The following DENND5A variants were observed in gnomAD, a reference collection of about 807,000 sequenced individuals.
DENND5A encodes DENN domain containing 5A.
In DENND5A, 64 loss-of-function variants were observed where a neutral mutation model predicts 140.3. The observed-to-expected ratio is 0.46, with a 90% CI of 0.37 to 0.56. DENND5A has a LOEUF of 0.56. Among genes scored for constraint, DENND5A ranks in the 20% least tolerant of loss-of-function variants. The pLI, the probability that DENND5A is intolerant of heterozygous loss-of-function variation, is 0.00. For synonymous variants in DENND5A, 605 were observed against 607.7 expected (o/e 1.00, Z 0.07); for missense variants, 1,292 against 1,593.8 (o/e 0.81, Z 3.22).
Position 9,264,974 on chromosome 11 carries a change from C to A in DENND5A, c.96G>T (p.Pro32=). The part of the protein sequence containing the change: ...CGLDTETGLE[P]DELSALCQYI... ...GCGCGCACTCACCCGACAGCTCGTC[C>A]GGCTCCAGCCCGGTCTCCGTGTCCA... The change falls in exon 1 of 23, where the codon CCG becomes CCT. Residue 32 remains proline (P), a synonymous_variant. Coordinates refer to ENST00000328194, the MANE Select transcript of DENND5A (RefSeq NM_015213.4). 2 of 1,583,878 alleles carry A rather than the reference C, an allele frequency of 1.3e-6. No homozygotes were observed. Among genetic ancestry groups the A allele is most frequent in the Non-Finnish European group, 1.7e-6 (2 of 1,167,040 alleles).
At chr11:9,245,269 G>A (rs1300091582) in intron 1 of DENND5A, 4 of 138,298 alleles carry the variant, frequency 2.9e-5, no homozygotes. Context: ...TGGCGACAGA[G>A]CAAGACTGTC....
At chr11:9,263,189 T>C (rs560887802) in intron 1 of DENND5A, among the ~76,000 whole-genome samples, 4 of 152,234 alleles carry the variant, frequency 2.6e-5, no homozygotes, top group African/African-American at 9.6e-5. Context: ...AGCATGAATT[T>C]ATCATGCTTT....
At chr11:9,246,044 AC>A (rs1290741632) in intron 1 of DENND5A, among the ~76,000 whole-genome samples, 1 of 152,146 alleles carries the variant, frequency 6.6e-6, no homozygotes, top group Non-Finnish European at 1.5e-5. Context: ...TGGAGCCGGG[AC>A]CCCTTTTTTA....
intron 1 of DENND5A, among the ~76,000 whole-genome samples, chr11:9,243,448 C>A (rs1001350069): frequency 6.6e-6 from 1 of 152,006 alleles, no homozygotes; most frequent in Admixed American, 6.6e-5. Context: ...TGTGTGGGTA[C>A]ACTTATACAT....
Position 9,180,866 on chromosome 11 carries a change from A to C in DENND5A, c.1356T>G (p.Ile452Met), listed in dbSNP as rs750201378. The change falls in exon 6 of 23, where the codon ATT becomes ATG. Residue 452 changes from isoleucine to methionine, a missense_variant. Around this residue, in one of 4 missense-constraint regions of DENND5A, gnomAD observed 566 missense variants for 650.4 expected, o/e 0.87. Coordinates refer to ENST00000328194, the MANE Select transcript of DENND5A (RefSeq NM_015213.4). ...CGTAGGAATGCAAAGGGGAGCCAGC[A>C]ATGTTCCCATTCCTCTTGTCCGAGA... ...ELVSDKRNGN[I>M]AGSPLHSYEL... The C allele has an allele frequency of 1.9e-6, 3 of 1,614,184 alleles. No individual in the cohort carries two copies. Among genetic ancestry groups the C allele is most frequent in the South Asian group, 2.2e-5 (2 of 91,080 alleles).
chr11:9,184,692 T>C (rs762883514), intron 5 of DENND5A, among the ~76,000 whole-genome samples: 1 of 152,216 alleles, frequency 6.6e-6, no homozygotes, highest in African/African-American at 2.4e-5. Flanking sequence ...ACTTCCCTGA[T>C]TAAGAAATTA....
Position 9,212,228 on chromosome 11 carries a change from A to G in DENND5A, c.110-4596T>C, listed in dbSNP as rs186593159. Among the ~76,000 whole-genome samples the G allele has an allele frequency of 2.0e-5, 3 of 152,250 alleles. No homozygotes were observed. In the East Asian group the frequency reaches 5.8e-4, roughly 29 times the overall value. The stretch of plus-strand genomic sequence containing the variant: ...CAGCAAGACCCCATCTCTACACAAT[A>G]AAATGTATAAATTAAAAAAGAAAAG... On this transcript the variant is annotated intron_variant, in intron 1 of 22. Coordinates refer to ENST00000328194, the MANE Select transcript of DENND5A (RefSeq NM_015213.4).
chr11:9,228,946 T>A (rs934692126), intron 1 of DENND5A, among the ~76,000 whole-genome samples: 3 of 152,198 alleles, frequency 2.0e-5, no homozygotes, highest in Non-Finnish European at 4.4e-5. Context: ...TGAGCCATTC[T>A]GGCAAATTAT....
At chr11:9,227,588 G>A (rs1850583504) in intron 1 of DENND5A, among the ~76,000 whole-genome samples, 1 of 152,082 alleles carries the variant, frequency 6.6e-6, no homozygotes, top group Non-Finnish European at 1.5e-5. Flanking sequence ...TTAAAGACAG[G>A]AAAATTTAGA....
At chr11:9,151,621 T>C (rs1457632058) in intron 13 of DENND5A, among the ~76,000 whole-genome samples, 1 of 152,082 alleles carries the variant, frequency 6.6e-6, no homozygotes, top group Non-Finnish European at 1.5e-5. Flanking sequence ...GGTAAACAAA[T>C]GTCTGGCAGA....
chr11:9,150,588 C>T (rs1193927383), intron 14 of DENND5A, 92 bp downstream of exon 14: 17 of 807,778 alleles, frequency 2.1e-5, no homozygotes, highest in Non-Finnish European at 2.9e-5. Context: ...GATGCTGTAG[C>T]AGCCACTGAG....
intron 15 of DENND5A, among the ~76,000 whole-genome samples, chr11:9,148,717 T>C (rs1464625440): frequency 1.3e-5 from 2 of 152,098 alleles, no homozygotes; most frequent in Non-Finnish European, 2.9e-5. Flanking sequence ...GAGAGTAAAG[T>C]AGTTATGGTG....
At chr11:9,164,098 G>T (rs1260939974) in intron 11 of DENND5A, among the ~76,000 whole-genome samples, 2 of 107,896 alleles carry the variant, frequency 1.9e-5, no homozygotes, top group African/African-American at 3.7e-5. Context: ...TTGAGAGAGG[G>T]TCTCATTCTG....
At chr11:9,257,751 G>A (rs1398042346) in intron 1 of DENND5A, among the ~76,000 whole-genome samples, 4 of 149,034 alleles carry the variant, frequency 2.7e-5, no homozygotes, top group Non-Finnish European at 4.5e-5. Flanking sequence ...CAAAGTGCTG[G>A]GATTACAGGC....
chr11:9,219,799 G>A (rs1300982309), intron 1 of DENND5A, among the ~76,000 whole-genome samples: 2 of 152,216 alleles, frequency 1.3e-5, no homozygotes, highest in African/African-American at 2.4e-5. Context: ...ACTGCTTTAA[G>A]GTGTCCATTA....
At chr11:9,184,838 T>C (rs1293648025) in intron 5 of DENND5A, among the ~76,000 whole-genome samples, 1 of 152,242 alleles carries the variant, frequency 6.6e-6, no homozygotes, top group African/African-American at 2.4e-5. Context: ...TTGTAGGTTA[T>C]AAATGTTATG....
intron 3 of DENND5A, among the ~76,000 whole-genome samples, chr11:9,205,558 C>G (rs1564914836): frequency 6.6e-6 from 1 of 152,092 alleles, no homozygotes; most frequent in Non-Finnish European, 1.5e-5. Context: ...TTGTATGCAT[C>G]AAACAAGACC....
intron 1 of DENND5A, among the ~76,000 whole-genome samples, chr11:9,246,383 C>T (rs1171755493): frequency 2.0e-5 from 3 of 151,574 alleles, no homozygotes; most frequent in East Asian, 1.9e-4. Flanking sequence ...GAGGCCCAGG[C>T]GGGAGGATCA....
At chr11:9,260,450 T>G (rs1473855923) in intron 1 of DENND5A, among the ~76,000 whole-genome samples, 1 of 152,128 alleles carries the variant, frequency 6.6e-6, no homozygotes, top group Non-Finnish European at 1.5e-5. Context: ...AAAAAGAAAC[T>G]GAACTCCACT....
Sources: gnomAD v4.1 joint callset for allele counts (sites outside exome capture counted in the v4.1 genomes callset) on GRCh38, gnomAD v4.1.1 for gene constraint, gnomAD v4.1.1 regional missense constraint, MANE v1.5 for transcripts, NCBI Gene and HGNC (gene_info 2026-07-23, HGNC 2026-07-21) for gene names.